NCF2: variants seen among roughly 807,000 people sequenced by gnomAD.
NCF2 encodes the protein neutrophil cytosolic factor 2.
NCF2 carries 45 observed loss-of-function variants against 70.9 expected under a neutral mutation model. The ratio of observed to expected loss-of-function variants is 0.63; its 90% CI spans 0.50 to 0.81. NCF2 has a LOEUF of 0.81. Ranked by LOEUF, NCF2 falls within the 40% of genes least tolerant of loss-of-function variation. The pLI is 0.00. For missense variants in NCF2, 522 were observed against 631.6 expected (o/e 0.83, Z 1.86); for synonymous variants, 203 against 233.6 (o/e 0.87, Z 1.19).
intron 2 of NCF2, among the ~76,000 whole-genome samples, chr1:183,586,549 C>T (rs564413289): frequency 5.3e-5 from 8 of 152,276 alleles, no homozygotes; most frequent in African/African-American, 1.7e-4. Context: ...TCATGATCAT[C>T]CCCATTCTGT....
intron 13 of NCF2, among the ~76,000 whole-genome samples, chr1:183,560,496 C>CA (rs1345123869): frequency 2.0e-5 from 3 of 152,134 alleles, no homozygotes; most frequent in Non-Finnish European, 4.4e-5. Flanking sequence ...TCATGGAAGA[C>CA]AGTTTTTAGA....
rs1255230258 is a variant in NCF2, at chr1:183,566,823, GGTCCT to G, written c.924+92_924+96del. On this transcript the variant is annotated intron_variant, in intron 9 of 14. Coordinates refer to ENST00000367535, the MANE Select transcript of NCF2 (RefSeq NM_000433.4). ...CAAGACTAGTGAATCTTTCTCCAGGGGTCCTGACAACACCTCTTTTACACTGCTTT... is the reference window on the plus strand; with the variant it reads ...CAAGACTAGTGAATCTTTCTCCAGGGGACAACACCTCTTTTACACTGCTTT... 102 of 1,458,524 alleles carry G rather than the reference GGTCCT, an allele frequency of 7.0e-5. No homozygotes were observed. In the Admixed American group the frequency reaches 1.7e-3, roughly 24 times the overall value. 90.3% of individuals were successfully genotyped at this position (1,458,524 alleles called of 1,614,324 possible). A position where few individuals can be genotyped will look rare whatever the true frequency, so the allele number is the denominator to read the frequency against.
At chr1:183,557,401 A>ACCT (rs550768994) in intron 14 of NCF2, among the ~76,000 whole-genome samples, 64 of 152,304 alleles carry the variant, frequency 4.2e-4, no homozygotes, top group African/African-American at 1.5e-3. Flanking sequence ...GATTCTTCTT[A>ACCT]CAGGGTAGGT....
chr1:183,596,488 T>C, the NCF2 span, among the ~76,000 whole-genome samples: 7 of 152,118 alleles, frequency 4.6e-5, no homozygotes, highest in African/African-American at 1.4e-4. Context: ...TAAATTGTCC[T>C]TTGGGCCAGG....
chr1:183,558,208 CTTG>C (rs368878005), intron 14 of NCF2, among the ~76,000 whole-genome samples: 46 of 151,914 alleles, frequency 3.0e-4, no homozygotes, highest in East Asian at 2.5e-3. Flanking sequence ...TTGCTACACA[CTTG>C]TTGTATACTC....
rs996446815 is a variant in NCF2, at chr1:183,563,121, G to T, written c.1290+74C>A. On this transcript the variant is annotated intron_variant, in intron 13 of 14. Transcript: ENST00000367535. ...ATATAGTGCCTAGTACACAGAAGGT[G>T]CTTGATAAATTTCAAATTGTTGAGG... The T allele has an allele frequency of 6.8e-6, 9 of 1,331,374 alleles. No homozygotes were observed. The African/African-American group carries it at 1.2e-4, about 17-fold the overall frequency. 82.5% of individuals were successfully genotyped at this position (1,331,374 alleles called of 1,614,324 possible).
upstream of NCF2, among the ~76,000 whole-genome samples, chr1:183,595,852 A>C (rs1673754595): frequency 6.6e-6 from 1 of 152,212 alleles, no homozygotes; most frequent in South Asian, 2.1e-4. Flanking sequence ...TCTATTGATT[A>C]AAAGCAAGTT....
chr1:183,593,975 T>G (rs928137720), upstream of NCF2, among the ~76,000 whole-genome samples: 7 of 152,210 alleles, frequency 4.6e-5, no homozygotes, highest in African/African-American at 1.4e-4. Context: ...GACAGCATTG[T>G]GAGATGTGTC....
At chr1:183,570,226 G>A (rs1672483181) in intron 6 of NCF2, among the ~76,000 whole-genome samples, 1 of 152,220 alleles carries the variant, frequency 6.6e-6, no homozygotes, top group Admixed American at 6.5e-5. Context: ...GAAGCTCTGT[G>A]TGCATTTCTA....
intron 4 of NCF2, 111 bp downstream of exon 4, chr1:183,574,374 CAG>C: frequency 6.8e-7 from 1 of 1,466,068 alleles, no homozygotes; most frequent in African/African-American, 1.4e-5. Flanking sequence ...CAGTGTTACC[CAG>C]ACTCACAGAA....
At chr1:183,587,213 T>C (rs1673396448) in intron 1 of NCF2, among the ~76,000 whole-genome samples, 1 of 152,230 alleles carries the variant, frequency 6.6e-6, no homozygotes, top group African/African-American at 2.4e-5. Context: ...AGTTCTGCTG[T>C]GGATCTACAA....
the NCF2 span, among the ~76,000 whole-genome samples, chr1:183,599,832 TG>T: frequency 6.6e-6 from 1 of 152,026 alleles, no homozygotes; most frequent in Non-Finnish European, 1.5e-5. Context: ...GGATTACAGG[TG>T]TGAGCCACCG....
At chr1:183,578,954 A>C (rs1040693251) in intron 2 of NCF2, among the ~76,000 whole-genome samples, 11 of 152,044 alleles carry the variant, frequency 7.2e-5, no homozygotes, top group Non-Finnish European at 1.3e-4. Context: ...GCCTCACTCC[A>C]CTCAGTCCCC....
intron 3 of NCF2, among the ~76,000 whole-genome samples, chr1:183,574,900 C>G (rs779174856): frequency 6.6e-6 from 1 of 152,146 alleles, no homozygotes; most frequent in Non-Finnish European, 1.5e-5. Flanking sequence ...TTATTGTATA[C>G]AGTGTGTTCA....
Position 183,564,142 on chromosome 1 carries a change from C to G in NCF2, c.1001-112G>C, listed in dbSNP as rs894132846. On this transcript the variant is annotated intron_variant, in intron 10 of 14. Transcript: ENST00000367535. ...TTCAAATAGGGCCCCCAACCTCTTA[C>G]CCTTTAATTTGTGGGGCAATTATTA... The G allele has an allele frequency of 3.7e-5, 39 of 1,054,656 alleles. 1 individual carries two copies. In the South Asian group the frequency reaches 4.4e-4, roughly 12 times the overall value. 65.3% of individuals were successfully genotyped at this position (1,054,656 alleles called of 1,614,324 possible). A position where few individuals can be genotyped will look rare whatever the true frequency, so the allele number is the denominator to read the frequency against.
In NCF2 at chr1:183,581,768, C is replaced by T. The variant is rs958675894; in HGVS notation, c.258-4061G>A. 2.0e-5 allele frequency among the ~76,000 whole-genome samples: 3 copies of T among 151,988 alleles called. No homozygotes were observed. The East Asian group carries it at 5.8e-4, about 30-fold the overall frequency. ...ACTGGAAGCTCCGCCTCCCGGTTCACGCCATTCTCCTGCCTCAGCCTCCCG... is the reference window on the plus strand; with the variant it reads ...ACTGGAAGCTCCGCCTCCCGGTTCATGCCATTCTCCTGCCTCAGCCTCCCG... On this transcript the variant is annotated intron_variant, in intron 2 of 14. Transcript: ENST00000367535.
intron 9 of NCF2, 84 bp from the exon 10 acceptor site, chr1:183,565,863 A>AC: frequency 1.5e-6 from 2 of 1,352,038 alleles, no homozygotes; most frequent in Non-Finnish European, 2.1e-6. Flanking sequence ...CCCTACAGAG[A>AC]CCCCATGTAA....
At chr1:183,575,203 C>T (rs574302512) in intron 3 of NCF2, among the ~76,000 whole-genome samples, 1 of 152,222 alleles carries the variant, frequency 6.6e-6, no homozygotes, top group African/African-American at 2.4e-5. Context: ...GGCGCAGTGG[C>T]TCATGCCTGT....
chr1:183,593,587 G>C (rs1673724285), upstream of NCF2, among the ~76,000 whole-genome samples: 1 of 152,150 alleles, frequency 6.6e-6, no homozygotes, highest in African/African-American at 2.4e-5. Context: ...CCCCAAGCCT[G>C]CCTGGCTAGT....
Sources: gnomAD v4.1 joint callset for allele counts (sites outside exome capture counted in the v4.1 genomes callset) on GRCh38, gnomAD v4.1.1 for gene constraint, MANE v1.5 for transcripts, NCBI Gene and HGNC (gene_info 2026-07-23, HGNC 2026-07-21) for gene names.